GNG2: variants seen among roughly 807,000 people sequenced by gnomAD.
GNG2 encodes G protein subunit gamma 2.
In GNG2, 5 loss-of-function variants were observed where a neutral mutation model predicts 5.5. The ratio of observed to expected loss-of-function variants is 0.91; its 90% CI spans 0.48 to 1.92. The LOEUF is 1.92. Ranked by LOEUF, GNG2 falls within the 30% of genes most tolerant of loss-of-function variation. The pLI is 0.01. For synonymous variants in GNG2, 28 were observed against 32.0 expected (o/e 0.88, Z 0.42); for missense variants, 55 against 88.4 (o/e 0.62, Z 1.52).
Position 51,884,190 on chromosome 14 carries a change from TA to T in GNG2, c.-30+6534del, listed in dbSNP as rs541899683. Among the ~76,000 whole-genome samples the T allele has an allele frequency of 1.3e-4, 20 of 152,300 alleles. 1 individual carries two copies. The East Asian group carries it at 2.9e-3, about 22-fold the overall frequency. On this transcript the variant is annotated intron_variant, in intron 2 of 3. Coordinates refer to ENST00000556766, the MANE Select transcript of GNG2 (RefSeq NM_053064.5). Reference sequence around the variant, plus strand: ...TAAGTTTTACATTTTGAGACACTATTATGCTTATTTTTAAAATGTGCCTTTT... The same window carrying T: ...TAAGTTTTACATTTTGAGACACTATTTGCTTATTTTTAAAATGTGCCTTTT...
chr14:51,944,151 G>C (rs1888506961), intron 2 of GNG2, among the ~76,000 whole-genome samples: 1 of 152,088 alleles, frequency 6.6e-6, no homozygotes, highest in South Asian at 2.1e-4. Flanking sequence ...TACATATATG[G>C]TCAAATGATT....
chr14:51,832,284 GAAA>G (rs56909071), intron 2 of GNG2, among the ~76,000 whole-genome samples: 2 of 127,604 alleles, frequency 1.6e-5, no homozygotes, highest in Non-Finnish European at 3.5e-5. Context: ...GTTACAGGGA[GAAA>G]AAAAAAAAAG....
chr14:51,899,600 C>A (rs941361717), intron 2 of GNG2, among the ~76,000 whole-genome samples: 1 of 152,048 alleles, frequency 6.6e-6, no homozygotes, highest in Non-Finnish European at 1.5e-5. Flanking sequence ...ACAGTGAAAC[C>A]CCCATCTCTA....
chr14:51,891,286 G>A (rs1884839231), intron 2 of GNG2, among the ~76,000 whole-genome samples: 1 of 152,180 alleles, frequency 6.6e-6, no homozygotes, highest in Non-Finnish European at 1.5e-5. Flanking sequence ...GTAGCCTTCA[G>A]ATCAACAATT....
Position 51,906,757 on chromosome 14 carries a change from CTT to C in GNG2, c.-30+29115_-30+29116del, listed in dbSNP as rs34240079. 3.8e-5 allele frequency among the ~76,000 whole-genome samples: 4 copies of C among 105,298 alleles called. No homozygotes were observed. The East Asian group carries it at 1.0e-3, about 27-fold the overall frequency. 69.1% of individuals were successfully genotyped at this position (105,298 alleles called of 152,430 possible). ...TTGCATGCAGCCTGCTGGAGAATCTCTTTTTTTTTTTTTTTTGAGACGGAGTC... is the reference window on the plus strand; with the variant it reads ...TTGCATGCAGCCTGCTGGAGAATCTCTTTTTTTTTTTTTTGAGACGGAGTC... On this transcript the variant is annotated intron_variant, in intron 2 of 3. Transcript: ENST00000556766.
chr14:51,889,745 C>T lies in GNG2; in HGVS notation c.-30+12088C>T, dbSNP rs150300938. On this transcript the variant is annotated intron_variant, in intron 2 of 3. Transcript: ENST00000556766. ...CTAGCATTAGAAAATAAAAATGTGA[C>T]ATCTAGAGATAAATTGTGTTCGCAG... 1.4e-4 allele frequency among the ~76,000 whole-genome samples: 21 copies of T among 152,276 alleles called. No individual in the cohort carries two copies. In the East Asian group the frequency reaches 4.1e-3, roughly 29 times the overall value.
At chr14:51,948,660 C>A (rs924797770) in intron 2 of GNG2, among the ~76,000 whole-genome samples, 7 of 152,180 alleles carry the variant, frequency 4.6e-5, no homozygotes, top group Non-Finnish European at 8.8e-5. Flanking sequence ...TCTAACCATG[C>A]TAATGAAATA....
intron 2 of GNG2, chr14:51,916,548 T>C (rs2140214426): frequency 2.2e-6 from 1 of 449,972 alleles, no homozygotes; most frequent in South Asian, 1.6e-5. Context: ...CAATTAAACT[T>C]CTCTCCTGGG....
At chr14:51,914,244 A>G in intron 2 of GNG2, 1 of 702,328 alleles carries the variant, frequency 1.4e-6, no homozygotes, top group Non-Finnish European at 2.6e-6. Context: ...TGGAGTTATT[A>G]GGCAACATAA....
intron 2 of GNG2, among the ~76,000 whole-genome samples, chr14:51,902,748 C>A (rs2140183345): frequency 6.6e-6 from 1 of 152,170 alleles, no homozygotes; most frequent in South Asian, 2.1e-4. Context: ...AAAAAATTAG[C>A]CGGGCAGTGC....
At chr14:51,945,133 C>CAAAA (rs138395214) in intron 2 of GNG2, among the ~76,000 whole-genome samples, 157 of 150,318 alleles carry the variant, frequency 1.0e-3, no homozygotes, top group Admixed American at 1.8e-3. Flanking sequence ...AACAAACAAA[C>CAAAA]AAAAAAAACG....
intron 2 of GNG2, among the ~76,000 whole-genome samples, chr14:51,837,870 A>G (rs1881376305): frequency 6.6e-6 from 1 of 152,158 alleles, no homozygotes; most frequent in East Asian, 1.9e-4. Flanking sequence ...GATATTTCCA[A>G]CCAAGATATT....
intron 2 of GNG2, among the ~76,000 whole-genome samples, chr14:51,935,180 A>C (rs906376537): frequency 2.0e-5 from 3 of 152,068 alleles, no homozygotes; most frequent in African/African-American, 7.2e-5. Context: ...GCCTGCCACC[A>C]CGCCCCGCTA....
At chr14:51,890,058 G>C (rs1884748381) in intron 2 of GNG2, among the ~76,000 whole-genome samples, 1 of 152,210 alleles carries the variant, frequency 6.6e-6, no homozygotes, top group African/African-American at 2.4e-5. Context: ...GAAAGGAAAA[G>C]AAGCCGGGAG....
chr14:51,950,958 T>G (rs1401047160), intron 3 of GNG2, among the ~76,000 whole-genome samples, 193 bp downstream of exon 3: 3 of 152,014 alleles, frequency 2.0e-5, no homozygotes, highest in Non-Finnish European at 4.4e-5. Flanking sequence ...CTCTTTCCCA[T>G]GTAGAATTAA....
intron 1 of GNG2, among the ~76,000 whole-genome samples, chr14:51,871,589 AT>A (rs1465563634): frequency 2.9e-4 from 44 of 152,230 alleles, no homozygotes; most frequent in African/African-American, 8.9e-4. Context: ...TGAAATGTTT[AT>A]TTAGCAAGGT....
intron 1 of GNG2, among the ~76,000 whole-genome samples, chr14:51,864,641 C>T (rs1244046599): frequency 6.6e-6 from 1 of 152,150 alleles, no homozygotes; most frequent in African/African-American, 2.4e-5. Flanking sequence ...GACAGTCACA[C>T]CAGTGATTCT....
chr14:51,855,641 AAT>A (rs1442443240), upstream of GNG2, among the ~76,000 whole-genome samples: 1 of 152,234 alleles, frequency 6.6e-6, no homozygotes, highest in Non-Finnish European at 1.5e-5. Flanking sequence ...CAAGCCATTA[AAT>A]GTACCATCAA....
chr14:51,831,613 T>G (rs984718064), intron 2 of GNG2, among the ~76,000 whole-genome samples: 4 of 152,234 alleles, frequency 2.6e-5, no homozygotes, highest in Admixed American at 6.5e-5. Flanking sequence ...AGGGAAAAGC[T>G]CATTTCTTTG....
Sources: allele counts gnomAD v4.1 joint callset (sites outside exome capture counted in the v4.1 genomes callset), GRCh38; gene constraint gnomAD v4.1.1; transcripts MANE v1.5; gene names NCBI Gene and HGNC (gene_info 2026-07-23, HGNC 2026-07-21).